Variants in DYNC2H1 observed in about 807,000 individuals in gnomAD.
DYNC2H1 encodes the protein cytoplasmic dynein 2 heavy chain 1.
Under a neutral mutation model 570.0 loss-of-function variants are expected in DYNC2H1, and 410 were observed. That is an observed-to-expected ratio of 0.72 (90% confidence interval 0.66 to 0.78). The LOEUF is 0.78. DYNC2H1 is among the 30% of genes least tolerant of loss of function. The pLI is 0.00. For missense variants in DYNC2H1, 4,865 were observed against 5,046.4 expected (o/e 0.96, Z 1.09); for synonymous variants, 1,688 against 1,677.6 (o/e 1.01, Z -0.15).
At chr11:103,413,717 C>G (rs973248110) in intron 84 of DYNC2H1, among the ~76,000 whole-genome samples, 2 of 152,156 alleles carry the variant, frequency 1.3e-5, no homozygotes, top group African/African-American at 4.8e-5. Flanking sequence ...ACTCCCTCAT[C>G]TATAGCTTTA....
chr11:103,472,886 A>T lies in DYNC2H1; in HGVS notation c.12765+4181A>T, dbSNP rs1413714013. Among the ~76,000 whole-genome samples the T allele has an allele frequency of 3.3e-5, 5 of 152,162 alleles. No homozygotes were observed. The highest frequency in any genetic ancestry group is 1.2e-4 in the African/African-American group (5 of 41,428). On this transcript the variant is annotated intron_variant, in intron 88 of 88. Coordinates refer to ENST00000375735, the MANE Select transcript of DYNC2H1 (RefSeq NM_001377.3). This position sits in a 1 kb window ranked among gnomAD's most constrained non-coding sequence, Gnocchi z 4.1. ...TTCACAATATTATCTGACACCCAGT[A>T]TCCCTGAGGAGCTTCGTTTCAACAG...
At chr11:103,233,048 T>C (rs141935486) in intron 60 of DYNC2H1, among the ~76,000 whole-genome samples, 1,578 of 152,070 alleles carry the variant, frequency 0.01, 27 homozygotes, top group African/African-American at 0.036. Context: ...TATTTGTCCA[T>C]ATTGGACAAA....
At position 103,252,925 on chromosome 11, in the gene DYNC2H1, A is replaced by C. The variant is rs974970824; in HGVS notation, c.10043-360A>C. ...GCAATAAACACTTTTAAAATGATGAATTTAGAAGTAAAGAAAAAATATAAT... is the reference window on the plus strand; with the variant it reads ...GCAATAAACACTTTTAAAATGATGACTTTAGAAGTAAAGAAAAAATATAAT... On this transcript the variant is annotated intron_variant, in intron 65 of 88. Coordinates refer to ENST00000375735, the MANE Select transcript of DYNC2H1 (RefSeq NM_001377.3). The surrounding 1 kb of genome is among the most constrained non-coding windows in gnomAD (Gnocchi z 4.6). Among the ~76,000 whole-genome samples the C allele has an allele frequency of 2.0e-5, 3 of 152,212 alleles. No individual in the cohort carries two copies. The highest frequency in any genetic ancestry group is 3.2e-3 in the Middle Eastern group (1 of 316).
chr11:103,375,983 A>C (rs981377802), intron 83 of DYNC2H1, among the ~76,000 whole-genome samples: 1 of 152,196 alleles, frequency 6.6e-6, no homozygotes, highest in Non-Finnish European at 1.5e-5. Flanking sequence ...TGTAATCCCC[A>C]TAATCCCCAC....
At position 103,442,825 on chromosome 11, in the gene DYNC2H1, T is replaced by C. The variant is rs1591763342; in HGVS notation, c.12456+6793T>C. Among the ~76,000 whole-genome samples the C allele has an allele frequency of 2.0e-5, 3 of 152,210 alleles. No homozygotes were observed. In the South Asian group the frequency reaches 6.2e-4, roughly 32 times the overall value. The stretch of plus-strand genomic sequence containing the variant: ...AAAACATGCAGAGAATAAACTCTTA[T>C]GACAAATTTGGTTTCTTGAAGAATC... On this transcript the variant is annotated intron_variant, in intron 85 of 88. Transcript: ENST00000375735.
rs767262175 is a variant in DYNC2H1, at chr11:103,156,444, T to C, written c.3801T>C (p.Leu1267=). 3.1e-6 allele frequency: 5 copies of C among 1,613,600 alleles called. No individual in the cohort carries two copies. Among genetic ancestry groups the C allele is most frequent in the Admixed American group, 3.3e-5 (2 of 59,974 alleles). ...EVTIREALRE[L]DLWGVGAVFT... The stretch of plus-strand genomic sequence containing the variant: ...CAATCAGAGAAGCTTTACGTGAACT[T>C]GATCTTTGGGGAGTTGGAGCAGTGT... The change falls in exon 26 of 89, where the codon CTT becomes CTC. Residue 1267 remains leucine, a synonymous_variant. Transcript: ENST00000375735.
At chr11:103,335,623 A>G (rs1373782090) in intron 82 of DYNC2H1, among the ~76,000 whole-genome samples, 1 of 152,124 alleles carries the variant, frequency 6.6e-6, no homozygotes, top group African/African-American at 2.4e-5. Context: ...AAATACGGTT[A>G]CTACATTTAT....
chr11:103,119,591 C>T (rs962127933), intron 6 of DYNC2H1, among the ~76,000 whole-genome samples: 11 of 152,146 alleles, frequency 7.2e-5, no homozygotes, highest in Admixed American at 1.3e-4. Flanking sequence ...CCGCCCACCT[C>T]GGCCTCTCAA....
intron 87 of DYNC2H1, among the ~76,000 whole-genome samples, chr11:103,463,542 G>A (rs1383068704): frequency 6.6e-6 from 1 of 152,136 alleles, no homozygotes; most frequent in Non-Finnish European, 1.5e-5. Flanking sequence ...TTGAGCCCAG[G>A]TGTTTAAGAC....
chr11:103,236,248 T>G (rs561303433), intron 62 of DYNC2H1, among the ~76,000 whole-genome samples, 182 bp from the exon 63 acceptor site: 1 of 152,146 alleles, frequency 6.6e-6, no homozygotes, highest in Admixed American at 6.6e-5. Context: ...GTTCCATTCC[T>G]TTGCACTTTT....
chr11:103,223,983 T>G (rs1477318946), intron 59 of DYNC2H1, among the ~76,000 whole-genome samples: 2 of 151,924 alleles, frequency 1.3e-5, no homozygotes, highest in Non-Finnish European at 2.9e-5. Context: ...CCTGACCTAG[T>G]GATCCGCCCA....
chr11:103,184,981 T>G lies in DYNC2H1; in HGVS notation c.6563T>G (p.Phe2188Cys). 6.2e-7 allele frequency: 1 copy of G among 1,611,072 alleles called. No homozygotes were observed. Among genetic ancestry groups the G allele is most frequent in the Non-Finnish European group, 8.5e-7 (1 of 1,177,994 alleles). The part of the protein sequence containing the change: ...HLHGCRDHDE[F>C]IINLIRGLGG... ...CATGGTTGCAGAGATCATGACGAATTCATTATTAATCTCATAAGGGGACTT... is the reference window on the plus strand; with the variant it reads ...CATGGTTGCAGAGATCATGACGAATGCATTATTAATCTCATAAGGGGACTT... The change falls in exon 41 of 89, where the codon TTC becomes TGC. Residue 2188 changes from phenylalanine to cysteine, a missense_variant. This residue lies in a region of DYNC2H1 where 231 missense variants were observed against 310.3 expected (regional missense o/e 0.74). Coordinates refer to ENST00000375735, the MANE Select transcript of DYNC2H1 (RefSeq NM_001377.3).
At chr11:103,159,060 T>C in intron 28 of DYNC2H1, 33 bp downstream of exon 28, 1 of 1,548,934 alleles carries the variant, frequency 6.5e-7, no homozygotes, top group East Asian at 2.3e-5. Context: ...CAGATATTTA[T>C]TGAGTTTCAA....
At chr11:103,424,764 G>A (rs1162951696) in intron 84 of DYNC2H1, among the ~76,000 whole-genome samples, 1 of 151,030 alleles carries the variant, frequency 6.6e-6, no homozygotes. Flanking sequence ...CATTTCCATG[G>A]TACAAATGCT....
rs1013549279 is a variant in DYNC2H1 at position 103,252,610 on chromosome 11, G to A, written c.10043-675G>A. 1.2e-4 allele frequency among the ~76,000 whole-genome samples: 19 copies of A among 152,018 alleles called. No individual in the cohort carries two copies. The highest frequency in any genetic ancestry group is 4.3e-4 in the African/African-American group (18 of 41,386). On this transcript the variant is annotated intron_variant, in intron 65 of 88. Transcript: ENST00000375735. The surrounding 1 kb of genome is among the most constrained non-coding windows in gnomAD (Gnocchi z 4.6). ...CTCATGATAAGTGATGTTGAGCATC[G>A]TTTCATATAGCTGTTGGCCATATTT...
In DYNC2H1 at chr11:103,399,148, TG is replaced by T. The variant is rs372707830; in HGVS notation, c.12157-514del. Among the ~76,000 whole-genome samples, 153 of 135,440 alleles carry T rather than the reference TG, an allele frequency of 1.1e-3. 6 individuals are homozygous for T. Among genetic ancestry groups the T allele is most frequent in the African/African-American group, 2.8e-3 (83 of 29,706 alleles). The allele number at this position is 135,440 out of a possible 152,430, so 88.9% of individuals were successfully genotyped here. On this transcript the variant is annotated intron_variant, in intron 83 of 88. Coordinates refer to ENST00000375735, the MANE Select transcript of DYNC2H1 (RefSeq NM_001377.3). ...CTCATTTCCCACACCGTTTTTTTTT[TG>T]TTTTTTTTTTTGAGATGGAGTCTCA...
intron 85 of DYNC2H1, among the ~76,000 whole-genome samples, chr11:103,452,590 C>G (rs1944646933): frequency 6.6e-6 from 1 of 150,656 alleles, no homozygotes; most frequent in South Asian, 2.1e-4. Context: ...GTTCTGAACT[C>G]TCGCCTATGT....
At chr11:103,226,025 G>T (rs1278725) in intron 59 of DYNC2H1, among the ~76,000 whole-genome samples, 90,773 of 151,588 alleles carry the variant, frequency 0.6, 27,474 homozygotes, top group Admixed American at 0.7. Flanking sequence ...GTTGCAGTTG[G>T]TGTATAGCAG....
In DYNC2H1 at chr11:103,468,643, A is replaced by C; in HGVS notation, c.12703A>C (p.Asn4235His). 6.2e-7 allele frequency: 1 copy of C among 1,613,810 alleles called. No individual in the cohort carries two copies. Among genetic ancestry groups the C allele is most frequent in the Non-Finnish European group, 8.5e-7 (1 of 1,179,766 alleles). The change falls in exon 88 of 89, where the codon AAT (asparagine) becomes CAT (histidine). Residue 4235 changes from asparagine (N) to histidine (H), a missense_variant. Asn to His is a moderately conservative substitution (Grantham distance 68, BLOSUM62 1). Around this residue, in one of 5 missense-constraint regions of DYNC2H1, gnomAD observed 2,401 missense variants for 2,454.6 expected, o/e 0.98. Transcript: ENST00000375735. ...TTTTGATGGAAATCAACTTTCTGAA[A>C]ATCAGCTTGATTCTCCCAGCGTGTC... ...CSFDGNQLSENQLDSPSVSSV... is the reference protein window; with the variant it reads ...CSFDGNQLSEHQLDSPSVSSV...
Sources: allele counts gnomAD v4.1 joint callset (sites outside exome capture counted in the v4.1 genomes callset), GRCh38; gene constraint gnomAD v4.1.1; regional missense constraint gnomAD v4.1.1; non-coding constraint Gnocchi (gnomAD v3.1); transcripts MANE v1.5; gene names NCBI Gene and HGNC (gene_info 2026-07-23, HGNC 2026-07-21).